The following TRA2B variants were observed in gnomAD, a reference collection of about 807,000 sequenced individuals.
TRA2B encodes transformer 2 beta homolog, also known as transformer-2 protein homolog beta.
Under a neutral mutation model 41.7 loss-of-function variants are expected in TRA2B, and 14 were observed. The observed-to-expected ratio is 0.34, with a 90% CI of 0.22 to 0.53. The LOEUF (loss-of-function observed/expected upper bound fraction) is 0.53, where lower values mean the gene tolerates loss of function less well. Ranked by LOEUF, TRA2B falls within the 20% of genes least tolerant of loss-of-function variation. The pLI, the probability that TRA2B is intolerant of heterozygous loss-of-function variation, is 0.95. For missense variants in TRA2B, 167 were observed against 396.8 expected (o/e 0.42, Z 4.92); for synonymous variants, 130 against 128.8 (o/e 1.01, Z -0.06).
Position 185,916,532 on chromosome 3 carries a change from T to C in TRA2B, c.*1183A>G, listed in dbSNP as rs182136411. The C allele has an allele frequency of 5.3e-5, 8 of 152,378 alleles. No individual in the cohort carries two copies. In the East Asian group the frequency reaches 7.7e-4, roughly 15 times the overall value. 9.4% of individuals were successfully genotyped at this position (152,378 alleles called of 1,614,324 possible). On this transcript the variant is annotated 3_prime_UTR_variant, in exon 9 of 9. Coordinates refer to ENST00000453386, the MANE Select transcript of TRA2B (RefSeq NM_004593.3). Reference sequence around the variant, plus strand: ...AAGTACCCGCAGTCTAGTTATTTACTGTAACTCCATCCCCAAATGGAGATC... The same window carrying C: ...AAGTACCCGCAGTCTAGTTATTTACCGTAACTCCATCCCCAAATGGAGATC...
In TRA2B at chr3:185,923,919, A is replaced by G. The variant is rs1487717795; in HGVS notation, c.399T>C (p.Asp133=). 1 of 1,614,002 alleles carries G rather than the reference A, an allele frequency of 6.2e-7. No individual in the cohort carries two copies. The highest frequency in any genetic ancestry group is 8.5e-7 in the Non-Finnish European group (1 of 1,179,998). ...CATATTTAGAGAACACTTCTCTTAG[A>G]TCTCTTTCTGTGGTGTACAAGCTCA... The part of the protein sequence containing the change: ...FGLSLYTTER[D]LREVFSKYGP... Residue 133 remains aspartate, a synonymous_variant, in exon 4 of 9, where the codon GAT becomes GAC. Coordinates refer to ENST00000453386, the MANE Select transcript of TRA2B (RefSeq NM_004593.3).
intron 1 of TRA2B, chr3:185,936,848 T>C (rs779853790): frequency 1.3e-4 from 131 of 985,262 alleles, no homozygotes; most frequent in Middle Eastern, 5.2e-4. Context: ...ACCAGCTACG[T>C]ATGCTGTTTA....
intron 1 of TRA2B, chr3:185,934,960 T>C: frequency 5.1e-6 from 5 of 985,458 alleles, no homozygotes; most frequent in Non-Finnish European, 6.0e-6. Context: ...CCTTAGTTTC[T>C]GGATTCCTTT....
chr3:185,937,337 G>A (rs1744402422), intron 1 of TRA2B: 2 of 990,072 alleles, frequency 2.0e-6, no homozygotes, highest in South Asian at 8.9e-5. Context: ...CCAAAAGAAC[G>A]TCGTCTGTCC....
intron 1 of TRA2B, chr3:185,926,966 T>C (rs936844983): frequency 2.2e-6 from 1 of 448,326 alleles, no homozygotes; most frequent in African/African-American, 2.0e-5. Context: ...AAGAGTTATT[T>C]GACCCCACTT....
intron 1 of TRA2B, chr3:185,937,398 G>A: frequency 7.0e-6 from 7 of 1,006,250 alleles, no homozygotes; most frequent in Non-Finnish European, 8.3e-6. Flanking sequence ...TGCGGGTCGG[G>A]TCCGCGTTGC....
At chr3:185,921,793 A>G (rs1370563516) in intron 5 of TRA2B, among the ~76,000 whole-genome samples, 1 of 152,100 alleles carries the variant, frequency 6.6e-6, no homozygotes, top group Non-Finnish European at 1.5e-5. Context: ...ACCAAACAAC[A>G]ACAAACAAAA....
intron 8 of TRA2B, 66 bp from the exon 9 acceptor site, chr3:185,917,791 C>G: frequency 6.5e-7 from 1 of 1,536,222 alleles, no homozygotes. Flanking sequence ...ACTTTAATGC[C>G]GAGAATTTCA....
At chr3:185,936,217 A>G (rs756653953) in intron 1 of TRA2B, 3 of 985,192 alleles carry the variant, frequency 3.0e-6, no homozygotes, top group African/African-American at 1.7e-5. Flanking sequence ...TTTAATAACA[A>G]AAGACTTTAA....
At chr3:185,926,184 G>T in intron 2 of TRA2B, among the ~76,000 whole-genome samples, 1 of 135,270 alleles carries the variant, frequency 7.4e-6, no homozygotes, top group Non-Finnish European at 1.6e-5. Flanking sequence ...GCCTACTTTT[G>T]ACCAACATTA....
intron 1 of TRA2B, among the ~76,000 whole-genome samples, chr3:185,937,598 A>G (rs1455851546): frequency 6.6e-6 from 1 of 152,220 alleles, no homozygotes; most frequent in Admixed American, 6.5e-5. Context: ...CGTCTCGGGC[A>G]GAAGCCACAT....
At chr3:185,934,290 A>C (rs912171931) in intron 1 of TRA2B, 3 of 975,206 alleles carry the variant, frequency 3.1e-6, no homozygotes, top group Non-Finnish European at 3.7e-6. Flanking sequence ...TAGCTATGAA[A>C]GCATTAATAT....
chr3:185,937,776 T>C (rs1332250075), intron 1 of TRA2B, 49 bp downstream of exon 1: 2 of 1,613,102 alleles, frequency 1.2e-6, no homozygotes, highest in African/African-American at 1.3e-5. Flanking sequence ...TAGAAAAAGA[T>C]GCAAGGAGCT....
At chr3:185,926,811 A>G (rs900610033) in intron 1 of TRA2B, 77 bp from the exon 2 acceptor site, 14 of 1,544,964 alleles carry the variant, frequency 9.1e-6, no homozygotes, top group Admixed American at 3.7e-5. Flanking sequence ...TGTGAGATAA[A>G]TGGTGAGGGA....
chr3:185,931,846 C>T (rs1030801346), intron 1 of TRA2B: 2 of 1,494,370 alleles, frequency 1.3e-6, no homozygotes, highest in South Asian at 1.3e-5. Context: ...CCTTCTTCAA[C>T]ATTAACCTTA....
chr3:185,929,814 C>A (rs771950321), intron 1 of TRA2B, among the ~76,000 whole-genome samples: 18 of 152,212 alleles, frequency 1.2e-4, no homozygotes, highest in Non-Finnish European at 2.6e-4. Flanking sequence ...TTAAGTCTGA[C>A]TTACTTGACT....
At chr3:185,936,501 T>C in intron 1 of TRA2B, 2 of 985,388 alleles carry the variant, frequency 2.0e-6, no homozygotes, top group Non-Finnish European at 2.4e-6. Flanking sequence ...GGCTCCAAAA[T>C]TACGCAGGAA....
chr3:185,917,688 G>A lies in TRA2B; in HGVS notation c.*27C>T, dbSNP rs1007096188. Reference sequence around the variant, plus strand: ...GCCCACAAACAATATCCCAGCTCTAGGGCAGGTTTCAGAAAGTCTTCATGC... The same window carrying A: ...GCCCACAAACAATATCCCAGCTCTAAGGCAGGTTTCAGAAAGTCTTCATGC... On this transcript the variant is annotated 3_prime_UTR_variant, in exon 9 of 9. Coordinates refer to ENST00000453386, the MANE Select transcript of TRA2B (RefSeq NM_004593.3). 1.2e-6 allele frequency: 2 copies of A among 1,612,076 alleles called. No homozygotes were observed. Among genetic ancestry groups the A allele is most frequent in the Non-Finnish European group, 1.7e-6 (2 of 1,178,692 alleles).
intron 1 of TRA2B, 104 bp from the exon 2 acceptor site, chr3:185,926,838 A>C (rs1052087533): frequency 5.7e-6 from 8 of 1,410,092 alleles, no homozygotes; most frequent in Admixed American, 2.1e-5. Context: ...TCCCCTTCCA[A>C]GATAAGAAAA....
Sources: gnomAD v4.1 joint callset for allele counts (sites outside exome capture counted in the v4.1 genomes callset) on GRCh38, gnomAD v4.1.1 for gene constraint, MANE v1.5 for transcripts, NCBI Gene and HGNC (gene_info 2026-07-23, HGNC 2026-07-21) for gene names.